The following THSD4 variants were observed in gnomAD, a reference collection of about 807,000 sequenced individuals.
The protein encoded by THSD4 is thrombospondin type-1 domain-containing protein 4.
A neutral mutation model predicts 119.0 loss-of-function variants in THSD4; 69 were observed. The observed-to-expected ratio is 0.58, with a 90% CI of 0.48 to 0.71. The LOEUF is 0.71. Among genes scored for constraint, THSD4 ranks in the 30% least tolerant of loss-of-function variants. THSD4 has a pLI of 0.00. For missense variants in THSD4, 1,393 were observed against 1,391.1 expected (o/e 1.00, Z -0.02); for synonymous variants, 524 against 540.4 (o/e 0.97, Z 0.42).
rs144609014 is a variant in THSD4 at position 71,397,214 on chromosome 15, C to G, written c.1016-14473C>G. On this transcript the variant is annotated intron_variant, in intron 6 of 17. Coordinates refer to ENST00000261862, the MANE Select transcript of THSD4 (RefSeq NM_024817.3). The stretch of plus-strand genomic sequence containing the variant: ...TCCTGGCCTTTGGATATATCTCTGC[C>G]TGGAATGTTCCTCCTTCCTCCCCTC... Among the ~76,000 whole-genome samples the G allele has an allele frequency of 1.1e-4, 17 of 152,274 alleles. No homozygotes were observed. The East Asian group carries it at 3.3e-3, about 29-fold the overall frequency.
At position 71,777,503 on chromosome 15, in the gene THSD4, C is replaced by T; in HGVS notation, c.*129C>T. Reference sequence around the variant, plus strand: ...GCTGCCAACCAACTTAGTCACCACCCCTGCCTCCGGTGAATGCACCCCGTG... The same window carrying T: ...GCTGCCAACCAACTTAGTCACCACCTCTGCCTCCGGTGAATGCACCCCGTG... On this transcript the variant is annotated 3_prime_UTR_variant, in exon 18 of 18. Coordinates refer to ENST00000261862, the MANE Select transcript of THSD4 (RefSeq NM_024817.3). 3 of 1,316,216 alleles carry T rather than the reference C, an allele frequency of 2.3e-6. No homozygotes were observed. In the East Asian group the frequency reaches 7.6e-5, roughly 33 times the overall value. 81.5% of individuals were successfully genotyped at this position (1,316,216 alleles called of 1,614,324 possible).
intron 7 of THSD4, among the ~76,000 whole-genome samples, chr15:71,618,235 C>A (rs1014919157): frequency 6.6e-6 from 1 of 152,140 alleles, no homozygotes; most frequent in African/African-American, 2.4e-5. Flanking sequence ...AATTGACAAG[C>A]AAAAGTTAAA....
intron 10 of THSD4, among the ~76,000 whole-genome samples, chr15:71,736,291 C>G (rs1161305159): frequency 6.6e-6 from 1 of 151,964 alleles, no homozygotes; most frequent in Non-Finnish European, 1.5e-5. Flanking sequence ...CTCTCTCGCT[C>G]TCTGTCTCTC....
intron 8 of THSD4, among the ~76,000 whole-genome samples, chr15:71,709,600 G>A (rs1365589773): frequency 1.3e-5 from 2 of 152,202 alleles, no homozygotes; most frequent in Admixed American, 6.5e-5. Flanking sequence ...AACTGGAAAC[G>A]CTGGGAAGAA....
At chr15:71,719,400 C>G (rs2052671813) in intron 8 of THSD4, among the ~76,000 whole-genome samples, 1 of 152,144 alleles carries the variant, frequency 6.6e-6, no homozygotes, top group East Asian at 1.9e-4. Context: ...TAACAGAAAC[C>G]ATAATTTGGA....
chr15:71,185,738 T>G (rs1485964733), intron 3 of THSD4: 1 of 152,198 alleles, frequency 6.6e-6, no homozygotes, highest in Non-Finnish European at 1.5e-5. Context: ...TAGTATGGAT[T>G]TATTCGTTGA....
chr15:71,347,393 C>T (rs72761514), intron 6 of THSD4, among the ~76,000 whole-genome samples: 8,165 of 152,300 alleles, frequency 0.054, 234 homozygotes, highest in African/African-American at 0.078. Context: ...GGCTCTGACA[C>T]CTTGCCCTGG....
At chr15:71,287,608 A>C (rs1463294282) in intron 6 of THSD4, among the ~76,000 whole-genome samples, 1 of 152,200 alleles carries the variant, frequency 6.6e-6, no homozygotes, top group Non-Finnish European at 1.5e-5. Context: ...GAAGGCTTAA[A>C]ACCAGATAGA....
At chr15:71,637,358 C>A (rs2140956359) in intron 7 of THSD4, among the ~76,000 whole-genome samples, 1 of 152,212 alleles carries the variant, frequency 6.6e-6, no homozygotes, top group East Asian at 1.9e-4. Context: ...GGAGAAAATG[C>A]AGTCAAGCCC....
intron 8 of THSD4, among the ~76,000 whole-genome samples, chr15:71,727,023 A>G (rs1343044645): frequency 6.6e-6 from 1 of 151,392 alleles, no homozygotes; most frequent in Admixed American, 6.6e-5. Flanking sequence ...AAGAAATTCT[A>G]TTTCCAGATG....
intron 7 of THSD4, among the ~76,000 whole-genome samples, chr15:71,484,640 G>A (rs1411376192): frequency 6.6e-6 from 1 of 152,116 alleles, no homozygotes; most frequent in African/African-American, 2.4e-5. Flanking sequence ...CAAAGTCGGG[G>A]GCTGAACTCT....
chr15:71,692,471 T>C (rs963424620), intron 8 of THSD4, among the ~76,000 whole-genome samples: 1 of 152,178 alleles, frequency 6.6e-6, no homozygotes. Flanking sequence ...TTTTGTTTTG[T>C]TTTTTGTTTT....
In THSD4 at chr15:71,654,234, C is replaced by G. The variant is rs147402430; in HGVS notation, c.1153-6296C>G. The stretch of plus-strand genomic sequence containing the variant: ...CCTGATTTAGACTGTAAATAGGAAC[C>G]TTGTTTGTTTTACCTTCATGTCTCC... On this transcript the variant is annotated intron_variant, in intron 7 of 17. Transcript: ENST00000261862. 2.0e-3 allele frequency among the ~76,000 whole-genome samples: 302 copies of G among 152,242 alleles called. 1 individual carries two copies. Among genetic ancestry groups the G allele is most frequent in the African/African-American group, 7.0e-3 (290 of 41,560 alleles).
intron 5 of THSD4, among the ~76,000 whole-genome samples, chr15:71,253,305 G>T (rs1366233870): frequency 6.6e-6 from 1 of 152,204 alleles, no homozygotes; most frequent in East Asian, 1.9e-4. Flanking sequence ...AGAGCACCAG[G>T]CATTAGTGGA....
intron 7 of THSD4, among the ~76,000 whole-genome samples, chr15:71,624,603 T>C (rs1567068214): frequency 6.6e-6 from 1 of 151,626 alleles, no homozygotes; most frequent in Non-Finnish European, 1.5e-5. Flanking sequence ...GGTGTTAATG[T>C]GTAAATCCAA....
At chr15:71,455,740 G>T (rs926044728) in intron 7 of THSD4, among the ~76,000 whole-genome samples, 17 of 152,158 alleles carry the variant, frequency 1.1e-4, no homozygotes, top group Non-Finnish European at 1.8e-4. Context: ...GCACTGAGGA[G>T]GGGGGTAGAA....
chr15:71,167,724 T>A (rs2043307581), intron 3 of THSD4, among the ~76,000 whole-genome samples: 1 of 152,222 alleles, frequency 6.6e-6, no homozygotes, highest in South Asian at 2.1e-4. Flanking sequence ...TATGGTAAAT[T>A]CTTAAGGGAC....
At chr15:71,536,151 A>G (rs1471871830) in intron 7 of THSD4, among the ~76,000 whole-genome samples, 2 of 152,208 alleles carry the variant, frequency 1.3e-5, no homozygotes, top group East Asian at 3.8e-4. Flanking sequence ...ATTATCTTAC[A>G]GTTCCAGAGA....
chr15:71,569,924 G>A (rs1200563542), intron 7 of THSD4, among the ~76,000 whole-genome samples: 1 of 152,178 alleles, frequency 6.6e-6, no homozygotes, highest in Admixed American at 6.5e-5. Flanking sequence ...AACCCAGGAG[G>A]CAGAGGTTGC....
Sources: allele counts gnomAD v4.1 joint callset (sites outside exome capture counted in the v4.1 genomes callset), GRCh38; gene constraint gnomAD v4.1.1; transcripts MANE v1.5; gene names NCBI Gene and HGNC (gene_info 2026-07-23, HGNC 2026-07-21).